Variants in EFCAB6 observed in about 807,000 individuals in gnomAD.
EFCAB6 encodes EF-hand calcium-binding domain-containing protein 6.
Under a neutral mutation model 169.8 loss-of-function variants are expected in EFCAB6, and 156 were observed. That is an observed-to-expected ratio of 0.92 (90% CI 0.81 to 1.05). The LOEUF is 1.05. EFCAB6 is among the 50% of genes least tolerant of loss of function. The pLI is 0.00. For synonymous variants in EFCAB6, 698 were observed against 676.4 expected (o/e 1.03, Z -0.50); for missense variants, 1,800 against 1,829.1 (o/e 0.98, Z 0.29).
intron 3 of EFCAB6, among the ~76,000 whole-genome samples, chr22:43,779,783 C>A (rs2148021253): frequency 6.6e-6 from 1 of 152,050 alleles, no homozygotes; most frequent in East Asian, 1.9e-4. Context: ...CACTCCAGTG[C>A]ACTAAAAAGT....
At chr22:43,736,810 C>A (rs550792507) in intron 6 of EFCAB6, among the ~76,000 whole-genome samples, 7 of 152,222 alleles carry the variant, frequency 4.6e-5, no homozygotes, top group Admixed American at 4.6e-4. Context: ...ACTGACTGCT[C>A]CCTGCTCACA....
chr22:43,635,239 G>A (rs1393004541), intron 17 of EFCAB6, 23 bp from the exon 18 acceptor site: 7 of 1,579,290 alleles, frequency 4.4e-6, no homozygotes, highest in Non-Finnish European at 6.1e-6. Flanking sequence ...ACAGGGGAGG[G>A]TGGAGAGGCG....
chr22:43,603,868 A>G (rs139875304), intron 22 of EFCAB6, among the ~76,000 whole-genome samples: 36 of 152,308 alleles, frequency 2.4e-4, no homozygotes, highest in Non-Finnish European at 4.7e-4. Flanking sequence ...CCCAAATCTC[A>G]TGTCAAATTG....
At chr22:43,728,385 T>C (rs1189782782) in intron 8 of EFCAB6, among the ~76,000 whole-genome samples, 2 of 152,224 alleles carry the variant, frequency 1.3e-5, no homozygotes, top group African/African-American at 4.8e-5. Flanking sequence ...TGTGCATGTG[T>C]CTTTATAGTA....
intron 9 of EFCAB6, among the ~76,000 whole-genome samples, chr22:43,712,743 T>G (rs1179350363): frequency 2.6e-5 from 4 of 152,108 alleles, no homozygotes; most frequent in African/African-American, 9.7e-5. Context: ...GTTACTGGAT[T>G]GGTGAAACCC....
chr22:43,643,270 A>G (rs2055923658), intron 17 of EFCAB6, among the ~76,000 whole-genome samples: 1 of 152,262 alleles, frequency 6.6e-6, no homozygotes, highest in South Asian at 2.1e-4. Flanking sequence ...AAATAAGCCA[A>G]CTGTTTTCTA....
At chr22:43,721,253 C>CCA (rs2059513865) in intron 8 of EFCAB6, among the ~76,000 whole-genome samples, 1 of 152,186 alleles carries the variant, frequency 6.6e-6, no homozygotes, top group African/African-American at 2.4e-5. Flanking sequence ...AAAAAATATT[C>CCA]TATGCTTACG....
At chr22:43,531,049 GC>G in intron 30 of EFCAB6, 85 bp from the exon 31 acceptor site, 1 of 1,562,036 alleles carries the variant, frequency 6.4e-7, no homozygotes, top group Admixed American at 1.7e-5. Flanking sequence ...CCCCCGCCTC[GC>G]CCAGCCCTGC....
chr22:43,620,170 A>G (rs1370440122), intron 20 of EFCAB6, among the ~76,000 whole-genome samples: 8 of 151,996 alleles, frequency 5.3e-5, no homozygotes, highest in Non-Finnish European at 1.2e-4. Context: ...ATAAAAATTT[A>G]GGCATGATGG....
intron 6 of EFCAB6, among the ~76,000 whole-genome samples, chr22:43,755,300 T>C (rs1329973930): frequency 6.6e-6 from 1 of 152,240 alleles, no homozygotes. Context: ...CGATGCTATA[T>C]GCTCTTTTTC....
intron 17 of EFCAB6, among the ~76,000 whole-genome samples, chr22:43,641,143 C>A (rs2055768591): frequency 6.6e-6 from 1 of 152,180 alleles, no homozygotes. Context: ...TAGGTGTTCA[C>A]TAAAAGTTGA....
chr22:43,600,086 C>G lies in EFCAB6; in HGVS notation c.2859G>C (p.Glu953Asp), dbSNP rs755132226. 1.2e-6 allele frequency: 2 copies of G among 1,613,964 alleles called. No individual in the cohort carries two copies. The highest frequency in any genetic ancestry group is 1.7e-6 in the Non-Finnish European group (2 of 1,179,964). ...TCACTCACCTGGCTGCCACAGCCTTCTCTGTGCTCTGCTGCAGCTCCTTCA... is the reference window on the plus strand; with the variant it reads ...TCACTCACCTGGCTGCCACAGCCTTGTCTGTGCTCTGCTGCAGCTCCTTCA... ...EEMKELQQST[E>D]KAVAARDKLM... is the part of the protein sequence containing the mutation. Residue 953 changes from glutamate to aspartate, a missense_variant, in exon 23 of 32, where the codon GAG becomes GAC. Physicochemically the swap from Glu to Asp is conservative, Grantham distance 45. Coordinates refer to ENST00000262726, the MANE Select transcript of EFCAB6 (RefSeq NM_022785.4).
In EFCAB6 at chr22:43,589,320, A is replaced by AAAAAAAAAAAG. The variant is rs1569207678; in HGVS notation, c.3032+753_3032+754insCTTTTTTTTTT. On this transcript the variant is annotated intron_variant, in intron 24 of 31. Transcript: ENST00000262726. ...AAAAAAAAAAAAAAAAAAAAAAAAA[A>AAAAAAAAAAAG]AGAAGTACAGGTACATTCACTATCA... Among the ~76,000 whole-genome samples, 50 of 59,836 alleles carry AAAAAAAAAAAG rather than the reference A, an allele frequency of 8.4e-4. 6 individuals are homozygous for AAAAAAAAAAAG. Among genetic ancestry groups the AAAAAAAAAAAG allele is most frequent in the Non-Finnish European group, 1.6e-3 (45 of 27,630 alleles). 39.3% of individuals were successfully genotyped at this position (59,836 alleles called of 152,430 possible).
intron 17 of EFCAB6, among the ~76,000 whole-genome samples, chr22:43,658,239 T>C (rs1457922761): frequency 2.0e-5 from 3 of 151,664 alleles, no homozygotes; most frequent in East Asian, 1.9e-4. Flanking sequence ...CTCAAAAATA[T>C]AAAATAAAAT....
In EFCAB6 at chr22:43,653,097, C is replaced by T. The variant is rs764257351; in HGVS notation, c.1983+14007G>A. 3.3e-5 allele frequency among the ~76,000 whole-genome samples: 5 copies of T among 152,164 alleles called. No individual in the cohort carries two copies. The South Asian group carries it at 1.0e-3, about 32-fold the overall frequency. ...AACTACACAAAAGAGTGAAGAGAGG[C>T]ATGTGGGATCCTGGAAAGGAGTCCA... On this transcript the variant is annotated intron_variant, in intron 17 of 31. Transcript: ENST00000262726.
Position 43,608,470 on chromosome 22 carries a change from C to T in EFCAB6, c.2681+12G>A, listed in dbSNP as rs188657154. 2.3e-4 allele frequency: 367 copies of T among 1,612,974 alleles called. 1 individual carries two copies. The East Asian group carries it at 7.4e-3, about 33-fold the overall frequency. On this transcript the variant is annotated intron_variant, in intron 22 of 31. Coordinates refer to ENST00000262726, the MANE Select transcript of EFCAB6 (RefSeq NM_022785.4). ...TAAGAATGGAAACCAACCAGTCTCA[C>T]GTGCCACTTACCTTGCCCAAAGCTT...
chr22:43,748,560 C>T (rs1036037693), intron 6 of EFCAB6, among the ~76,000 whole-genome samples: 3 of 152,174 alleles, frequency 2.0e-5, no homozygotes, highest in Non-Finnish European at 2.9e-5. Flanking sequence ...TCCAATTGTT[C>T]CTGGCTATTC....
At chr22:43,771,987 C>T (rs1218052065) in intron 4 of EFCAB6, among the ~76,000 whole-genome samples, 1 of 152,138 alleles carries the variant, frequency 6.6e-6, no homozygotes. Context: ...AATGACCTTT[C>T]CTTCCCCTCT....
chr22:43,733,643 G>A (rs959534166), intron 7 of EFCAB6, among the ~76,000 whole-genome samples: 16 of 152,130 alleles, frequency 1.1e-4, no homozygotes, highest in Non-Finnish European at 2.1e-4. Context: ...ATGTGCAAGC[G>A]CATCACAGGC....
Sources: gnomAD v4.1 joint callset for allele counts (sites outside exome capture counted in the v4.1 genomes callset) on GRCh38, gnomAD v4.1.1 for gene constraint, MANE v1.5 for transcripts, NCBI Gene and HGNC (gene_info 2026-07-23, HGNC 2026-07-21) for gene names.